MYO3B: variants seen among roughly 807,000 people sequenced by gnomAD.
MYO3B encodes myosin IIIB, also known as myosin-IIIb.
Under a neutral mutation model 174.6 loss-of-function variants are expected in MYO3B, and 156 were observed. That is an observed-to-expected ratio of 0.89 (90% CI 0.78 to 1.02). The LOEUF is 1.02. Ranked by LOEUF, MYO3B falls within the 50% of genes least tolerant of loss-of-function variation. MYO3B has a pLI of 0.00. For missense variants in MYO3B, 1,632 were observed against 1,639.4 expected (o/e 1.00, Z 0.08); for synonymous variants, 563 against 569.1 (o/e 0.99, Z 0.15).
At chr2:170,478,895 C>T (rs1238949703) in intron 25 of MYO3B, among the ~76,000 whole-genome samples, 3 of 37,810 alleles carry the variant, frequency 7.9e-5, no homozygotes, top group African/African-American at 2.1e-4. Flanking sequence ...TACATACACA[C>T]ACACACACAC....
intron 8 of MYO3B, among the ~76,000 whole-genome samples, chr2:170,364,371 A>G (rs1434012812): frequency 1.3e-5 from 2 of 152,186 alleles, no homozygotes; most frequent in Non-Finnish European, 2.9e-5. Context: ...TTAGAGAATC[A>G]CCAATGTTTT....
intron 8 of MYO3B, among the ~76,000 whole-genome samples, chr2:170,359,953 A>AT (rs34931297): frequency 0.17 from 25,868 of 152,158 alleles, 2,378 homozygotes; most frequent in Middle Eastern, 0.24. Context: ...TTTTGAATGA[A>AT]TCAATGAAAT....
chr2:170,409,437 A>T (rs2105820385), intron 22 of MYO3B, among the ~76,000 whole-genome samples: 1 of 152,332 alleles, frequency 6.6e-6, no homozygotes, highest in African/African-American at 2.4e-5. Flanking sequence ...GAAAAATAAG[A>T]CTAGACACAA....
At chr2:170,466,799 C>A in intron 25 of MYO3B, 88 bp downstream of exon 25, 1 of 1,355,568 alleles carries the variant, frequency 7.4e-7, no homozygotes, top group Non-Finnish European at 1.0e-6. Flanking sequence ...CTCCTGCGTG[C>A]TCTCCTCCAA....
At chr2:170,649,113 T>TAATATATAATGTATATTATATATAAAAC (rs1698691778) in intron 32 of MYO3B, among the ~76,000 whole-genome samples, 14 of 64,524 alleles carry the variant, frequency 2.2e-4, no homozygotes, top group Non-Finnish European at 3.6e-4. Flanking sequence ...ATATATAAAA[T>TAATATATAATGTATATTATATATAAAAC]AATATATAAT....
chr2:170,371,215 C>T (rs1290290631), intron 9 of MYO3B, among the ~76,000 whole-genome samples: 2 of 48,736 alleles, frequency 4.1e-5, no homozygotes, highest in Non-Finnish European at 7.3e-5. Context: ...AAGACAGTGT[C>T]TAAAAAAAAA....
At chr2:170,226,626 G>T (rs950679772) in intron 6 of MYO3B, among the ~76,000 whole-genome samples, 1 of 152,124 alleles carries the variant, frequency 6.6e-6, no homozygotes, top group African/African-American at 2.4e-5. Context: ...GGAGGCGGGG[G>T]GCTGATTCTG....
intron 32 of MYO3B, among the ~76,000 whole-genome samples, chr2:170,612,052 C>T (rs1695156210): frequency 6.6e-6 from 1 of 152,172 alleles, no homozygotes; most frequent in Non-Finnish European, 1.5e-5. Context: ...GACTGCCTGG[C>T]CACACCTTCC....
intron 32 of MYO3B, among the ~76,000 whole-genome samples, chr2:170,626,809 C>A (rs1696480117): frequency 6.6e-6 from 1 of 152,182 alleles, no homozygotes; most frequent in Non-Finnish European, 1.5e-5. Context: ...ACTTATGAAG[C>A]TTAGTTTGGC....
chr2:170,494,764 GAA>G (rs936709744), intron 25 of MYO3B, among the ~76,000 whole-genome samples: 10 of 141,042 alleles, frequency 7.1e-5, no homozygotes, highest in African/African-American at 2.6e-4. Flanking sequence ...AGAAAAAAAA[GAA>G]AAAAGAAAAA....
intron 32 of MYO3B, among the ~76,000 whole-genome samples, chr2:170,593,272 A>T (rs1458827485): frequency 1.3e-5 from 2 of 151,996 alleles, no homozygotes; most frequent in Admixed American, 6.6e-5. Context: ...TAATTTTTTT[A>T]AATTATTTTT....
intron 32 of MYO3B, among the ~76,000 whole-genome samples, chr2:170,592,468 A>G (rs1693877796): frequency 6.6e-6 from 1 of 152,230 alleles, no homozygotes; most frequent in Admixed American, 6.5e-5. Context: ...CAATAAACCC[A>G]TGAGAAAACC....
chr2:170,529,910 A>G (rs1020770033), intron 30 of MYO3B, among the ~76,000 whole-genome samples: 4 of 152,270 alleles, frequency 2.6e-5, no homozygotes, highest in African/African-American at 9.6e-5. Flanking sequence ...TCACTGGGTT[A>G]TAAGGAAAAC....
chr2:170,335,053 A>G (rs371256337), intron 7 of MYO3B, among the ~76,000 whole-genome samples: 156 of 152,292 alleles, frequency 1.0e-3, no homozygotes, highest in African/African-American at 3.5e-3. Flanking sequence ...GAGCTTTCTT[A>G]TAGCACTAAT....
chr2:170,365,501 G>A (rs928599405), intron 8 of MYO3B, among the ~76,000 whole-genome samples: 1 of 152,222 alleles, frequency 6.6e-6, no homozygotes, highest in Non-Finnish European at 1.5e-5. Flanking sequence ...CTGAGTAAAC[G>A]ATATGATGCT....
At chr2:170,487,447 G>A (rs937857226) in intron 25 of MYO3B, among the ~76,000 whole-genome samples, 1 of 152,208 alleles carries the variant, frequency 6.6e-6, no homozygotes, top group Non-Finnish European at 1.5e-5. Context: ...TGATACATCA[G>A]TAGATCCTAC....
At chr2:170,516,438 C>T (rs1377106143) in intron 29 of MYO3B, among the ~76,000 whole-genome samples, 2 of 151,834 alleles carry the variant, frequency 1.3e-5, no homozygotes, top group Non-Finnish European at 1.5e-5. Context: ...TCAGGAGATA[C>T]AGACCATCCT....
At chr2:170,636,925 C>G (rs766604010) in intron 32 of MYO3B, among the ~76,000 whole-genome samples, 20 of 150,250 alleles carry the variant, frequency 1.3e-4, no homozygotes, top group Non-Finnish European at 2.7e-4. Context: ...TTAGTTTGGT[C>G]GAACTTCATG....
intron 32 of MYO3B, among the ~76,000 whole-genome samples, chr2:170,585,115 T>C (rs1693414623): frequency 6.6e-6 from 1 of 152,194 alleles, no homozygotes; most frequent in African/African-American, 2.4e-5. Flanking sequence ...GGCCTGGCCA[T>C]TGGGATTATT....
Sources: gnomAD v4.1 joint callset for allele counts (sites outside exome capture counted in the v4.1 genomes callset) on GRCh38, gnomAD v4.1.1 for gene constraint, MANE v1.5 for transcripts, NCBI Gene and HGNC (gene_info 2026-07-23, HGNC 2026-07-21) for gene names.